USH2A: variants seen among roughly 807,000 people sequenced by gnomAD.
USH2A encodes the protein usherin, also known as Usher syndrome 2A (autosomal recessive, mild).
In USH2A, 443 loss-of-function variants were observed where a neutral mutation model predicts 538.9. That is an observed-to-expected ratio of 0.82 (90% CI 0.76 to 0.89). The LOEUF (loss-of-function observed/expected upper bound fraction) is 0.89, where lower values mean the gene tolerates loss of function less well. Among genes scored for constraint, USH2A ranks in the 40% least tolerant of loss-of-function variants. USH2A has a pLI of 0.00. For missense variants in USH2A, 6,633 were observed against 6,324.8 expected, an observed-to-expected ratio of 1.05 and a Z score of -1.65; for synonymous variants, 2,413 against 2,273.5, an observed-to-expected ratio of 1.06 and a Z score of -1.75.
At chr1:215,884,629 A>G (rs549520839) in intron 41 of USH2A, among the ~76,000 whole-genome samples, 1 of 152,200 alleles carries the variant, frequency 6.6e-6, no homozygotes, top group South Asian at 2.1e-4. Flanking sequence ...TATTTTCATT[A>G]TTATTTTATT....
At chr1:215,976,255 A>G (rs1476621485) in intron 35 of USH2A, among the ~76,000 whole-genome samples, 1 of 152,168 alleles carries the variant, frequency 6.6e-6, no homozygotes, top group Non-Finnish European at 1.5e-5. Context: ...CATATCAGCA[A>G]AGAAAGATAG....
chr1:215,730,331 G>C (rs1659955913), intron 60 of USH2A, among the ~76,000 whole-genome samples: 1 of 152,120 alleles, frequency 6.6e-6, no homozygotes, highest in Admixed American at 6.5e-5. Context: ...TCAAGTGAAA[G>C]GCTAAAAGTT....
intron 41 of USH2A, among the ~76,000 whole-genome samples, chr1:215,882,517 CAGAG>C (rs1263215131): frequency 6.6e-6 from 1 of 152,046 alleles, no homozygotes; most frequent in South Asian, 2.1e-4. Flanking sequence ...TTCAATCAGA[CAGAG>C]AAAGAGTACA....
At chr1:216,330,608 G>A (rs2037840267) in intron 4 of USH2A, among the ~76,000 whole-genome samples, 1 of 151,984 alleles carries the variant, frequency 6.6e-6, no homozygotes. Context: ...ACAAGTAGCT[G>A]GCTGGGGGAG....
chr1:216,088,947 C>T (rs1275212372), intron 23 of USH2A, 66 bp downstream of exon 23: 4 of 1,599,196 alleles, frequency 2.5e-6, no homozygotes, highest in Non-Finnish European at 3.4e-6. Flanking sequence ...GGAATATAAA[C>T]AACAGAAAAG....
intron 11 of USH2A, among the ~76,000 whole-genome samples, chr1:216,253,534 A>G (rs1389937703): frequency 6.6e-6 from 1 of 152,130 alleles, no homozygotes; most frequent in African/African-American, 2.4e-5. Context: ...AAATCTAGAT[A>G]AGGCAGCCTA....
Position 216,199,641 on chromosome 1 carries a change from G to T in USH2A, c.3797C>A (p.Pro1266Gln). ...STELHVEWSP[P>Q]AELNGIIIRY... ...TGGATTCTTACCATTTAGTTCCGCT[G>T]GTGGAGACCATTCTACATGAAGTTC... Residue 1266 changes from proline to glutamine, a missense_variant, in exon 17 of 72, where the codon CCA becomes CAA. By Grantham distance (76) the Pro-to-Gln change is moderately conservative (BLOSUM62 -1). Transcript: ENST00000307340. 6.2e-7 allele frequency: 1 copy of T among 1,614,024 alleles called. No individual in the cohort carries two copies. Among genetic ancestry groups the T allele is most frequent in the Non-Finnish European group, 8.5e-7 (1 of 1,179,972 alleles).
chr1:215,707,514 A>C (rs1348194466), intron 61 of USH2A, among the ~76,000 whole-genome samples: 1 of 152,202 alleles, frequency 6.6e-6, no homozygotes, highest in Admixed American at 6.5e-5. Context: ...AGTGCTCTGA[A>C]TGTGATCCTT....
intron 41 of USH2A, among the ~76,000 whole-genome samples, chr1:215,880,875 GT>G (rs1449309789): frequency 6.6e-6 from 1 of 152,128 alleles, no homozygotes; most frequent in African/African-American, 2.4e-5. Context: ...TTCTTCTAGG[GT>G]TTTTATGGTT....
intron 37 of USH2A, among the ~76,000 whole-genome samples, chr1:215,944,431 T>C (rs1357004302): frequency 6.6e-6 from 1 of 152,150 alleles, no homozygotes; most frequent in African/African-American, 2.4e-5. Flanking sequence ...CTTGAGTAAA[T>C]ATTTTTTTTA....
intron 32 of USH2A, among the ~76,000 whole-genome samples, chr1:216,038,932 T>C (rs1286553123): frequency 6.6e-6 from 1 of 152,058 alleles, no homozygotes; most frequent in Non-Finnish European, 1.5e-5. Context: ...ATAGAATCTT[T>C]CCCTATCATT....
intron 52 of USH2A, among the ~76,000 whole-genome samples, chr1:215,786,166 T>G (rs570530737): frequency 6.6e-5 from 10 of 152,284 alleles, no homozygotes; most frequent in African/African-American, 2.4e-4. Context: ...TAGAAATTAA[T>G]ATTTACAATA....
intron 32 of USH2A, among the ~76,000 whole-genome samples, chr1:216,010,021 A>T (rs1390374777): frequency 6.6e-6 from 1 of 152,196 alleles, no homozygotes; most frequent in African/African-American, 2.4e-5. Flanking sequence ...AGGCTGTCTT[A>T]TACTCAATAT....
chr1:215,835,359 A>G (rs1277870216), intron 47 of USH2A, among the ~76,000 whole-genome samples: 3 of 151,808 alleles, frequency 2.0e-5, no homozygotes, highest in African/African-American at 7.3e-5. Flanking sequence ...TCAGTTTCCT[A>G]TCTGGAGGTG....
chr1:216,057,850 T>C (rs544109570), intron 30 of USH2A, among the ~76,000 whole-genome samples: 6 of 152,316 alleles, frequency 3.9e-5, no homozygotes, highest in Non-Finnish European at 7.4e-5. Context: ...TTGCTCCTTA[T>C]TATGTATTAT....
intron 36 of USH2A, among the ~76,000 whole-genome samples, chr1:215,969,516 A>G (rs1667438360): frequency 6.6e-6 from 1 of 151,484 alleles, no homozygotes; most frequent in Non-Finnish European, 1.5e-5. Context: ...GTAAATTTCA[A>G]TCTCATGTGA....
intron 38 of USH2A, among the ~76,000 whole-genome samples, chr1:215,920,786 G>C (rs1571814204): frequency 6.6e-6 from 1 of 152,020 alleles, no homozygotes; most frequent in Non-Finnish European, 1.5e-5. Context: ...TCAACCATGG[G>C]AATAAGATTT....
rs76687424 is a variant in USH2A, at chr1:216,344,986, G to A, written c.785-17332C>T. On this transcript the variant is annotated intron_variant, in intron 4 of 71. Coordinates refer to ENST00000307340, the MANE Select transcript of USH2A (RefSeq NM_206933.4). ...CATGCATGTGAATGTGGGACTTGGGGAGCTTTTTCCTCCCAAAAGGGGGAT... is the reference window on the plus strand; with the variant it reads ...CATGCATGTGAATGTGGGACTTGGGAAGCTTTTTCCTCCCAAAAGGGGGAT... Among the ~76,000 whole-genome samples, 1,350 of 151,716 alleles carry A rather than the reference G, an allele frequency of 8.9e-3. 10 individuals are homozygous for A. Among genetic ancestry groups the A allele is most frequent in the Non-Finnish European group, 0.015 (1,018 of 67,896 alleles).
intron 38 of USH2A, among the ~76,000 whole-genome samples, chr1:215,909,019 ATATAT>A (rs991763800): frequency 4.0e-5 from 6 of 149,512 alleles, no homozygotes; most frequent in East Asian, 1.9e-4. Context: ...ATATCATTAA[ATATAT>A]TATATATCTA....
Sources: allele counts gnomAD v4.1 joint callset (sites outside exome capture counted in the v4.1 genomes callset), GRCh38; gene constraint gnomAD v4.1.1; transcripts MANE v1.5; gene names NCBI Gene and HGNC (gene_info 2026-07-23, HGNC 2026-07-21).